Variants in GRIN2A observed in about 807,000 individuals in gnomAD.
The protein encoded by GRIN2A is glutamate receptor ionotropic, NMDA 2A.
In GRIN2A, 22 loss-of-function variants were observed where a neutral mutation model predicts 113.4. The observed-to-expected ratio is 0.19, with a 90% CI of 0.14 to 0.28. GRIN2A has a LOEUF of 0.28. Ranked by LOEUF, GRIN2A falls within the 10% of genes least tolerant of loss-of-function variation. The pLI is 1.00. For synonymous variants in GRIN2A, 827 were observed against 738.4 expected, an observed-to-expected ratio of 1.12 and a Z score of -1.94; for missense variants, 1,502 against 1,887.0, an observed-to-expected ratio of 0.80 and a Z score of 3.78.
In GRIN2A at chr16:9,754,171, C is replaced by G. The variant is rs79818496; in HGVS notation, c.*8978G>C. The G allele has an allele frequency of 0.023, 4,316 of 186,568 alleles. 83 individuals carry two copies. The highest frequency in any genetic ancestry group is 0.063 in the African/African-American group (2,691 of 42,882). The allele number at this position is 186,568 out of a possible 1,614,324, so 11.6% of individuals were successfully genotyped here. ...TTGAAATATATATACTATACATAAA[C>G]ATATACACATAAACATTCTGGGGTG... is the stretch of plus-strand genomic sequence containing the variant. On this transcript the variant is annotated 3_prime_UTR_variant, in exon 13 of 13. Transcript: ENST00000330684.
intron 2 of GRIN2A, among the ~76,000 whole-genome samples, chr16:10,081,989 C>G (rs1442177510): frequency 6.6e-6 from 1 of 152,136 alleles, no homozygotes; most frequent in African/African-American, 2.4e-5. Flanking sequence ...ACTTATAGAA[C>G]CCTTATTTTT....
intron 2 of GRIN2A, among the ~76,000 whole-genome samples, chr16:10,172,302 G>GTACT (rs1272628967): frequency 1.3e-5 from 2 of 152,236 alleles, no homozygotes; most frequent in East Asian, 3.9e-4. Flanking sequence ...GCTGCCTGGA[G>GTACT]TACTGTGTTG....
chr16:9,808,400 G>A (rs910650558), intron 10 of GRIN2A, among the ~76,000 whole-genome samples: 6 of 152,150 alleles, frequency 3.9e-5, no homozygotes, highest in African/African-American at 9.7e-5. Context: ...TAGTAGTGAC[G>A]ACATCACGGA....
chr16:10,015,252 C>CAAAAAAAAAAAAAAAA (rs200124835), intron 2 of GRIN2A, among the ~76,000 whole-genome samples: 14 of 19,304 alleles, frequency 7.3e-4, no homozygotes, highest in Admixed American at 8.7e-4. Flanking sequence ...GACTTCATCT[C>CAAAAAAAAAAAAAAAA]AAAAAAAAAA....
chr16:9,868,746 ACCAACT>A (rs1355908868), intron 4 of GRIN2A, among the ~76,000 whole-genome samples: 1 of 152,112 alleles, frequency 6.6e-6, no homozygotes, highest in Non-Finnish European at 1.5e-5. Flanking sequence ...CATTTTGACA[ACCAACT>A]CCTGGTTCCA....
chr16:9,937,658 T>C (rs767492971), intron 3 of GRIN2A: 6 of 408,944 alleles, frequency 1.5e-5, no homozygotes, highest in South Asian at 9.2e-5. Flanking sequence ...ACAAAAAATA[T>C]AGATACACTT....
chr16:9,915,140 G>A (rs1048715006), intron 3 of GRIN2A, among the ~76,000 whole-genome samples: 1 of 151,238 alleles, frequency 6.6e-6, no homozygotes, highest in Non-Finnish European at 1.5e-5. Context: ...GTTTCACCAT[G>A]TTAGCTAGGA....
At chr16:9,848,090 CTA>C (rs1313944467) in intron 5 of GRIN2A, among the ~76,000 whole-genome samples, 4 of 145,040 alleles carry the variant, frequency 2.8e-5, no homozygotes, top group African/African-American at 7.5e-5. Flanking sequence ...TGTACATTAA[CTA>C]TATATTTTAT....
At position 10,087,226 on chromosome 16, in the gene GRIN2A, A is replaced by G. The variant is rs575816522; in HGVS notation, c.414+92772T>C. Among the ~76,000 whole-genome samples, 9 of 152,342 alleles carry G rather than the reference A, an allele frequency of 5.9e-5. No individual in the cohort carries two copies. The East Asian group carries it at 1.3e-3, about 23-fold the overall frequency. On this transcript the variant is annotated intron_variant, in intron 2 of 12. Coordinates refer to ENST00000330684, the MANE Select transcript of GRIN2A (RefSeq NM_001134407.3). The stretch of plus-strand genomic sequence containing the variant: ...AGGGACAATGATAATAATCACTACT[A>G]TATCTACCGCATTGGTTTTTATAAG...
intron 3 of GRIN2A, among the ~76,000 whole-genome samples, chr16:9,919,211 T>C (rs1454428304): frequency 6.6e-6 from 1 of 152,088 alleles, no homozygotes; most frequent in Non-Finnish European, 1.5e-5. Context: ...AGATCAGCGA[T>C]AGGGTAGATT....
chr16:9,790,995 G>C (rs1043258556), intron 11 of GRIN2A, among the ~76,000 whole-genome samples: 1 of 152,178 alleles, frequency 6.6e-6, no homozygotes, highest in African/African-American at 2.4e-5. Flanking sequence ...ATGTGTGCCA[G>C]GCATGGACTA....
chr16:10,077,568 C>T (rs1247145159), intron 2 of GRIN2A, among the ~76,000 whole-genome samples: 2 of 152,302 alleles, frequency 1.3e-5, no homozygotes, highest in African/African-American at 2.4e-5. Flanking sequence ...GCCAGAATGG[C>T]CCCATTAGTC....
At chr16:10,115,907 GT>G (rs1567309962) in intron 2 of GRIN2A, among the ~76,000 whole-genome samples, 2 of 152,174 alleles carry the variant, frequency 1.3e-5, no homozygotes, top group African/African-American at 4.8e-5. Context: ...GGAAGACAGT[GT>G]AGTGATTCTT....
At chr16:9,815,288 A>G (rs1168081663) in intron 10 of GRIN2A, among the ~76,000 whole-genome samples, 1 of 152,048 alleles carries the variant, frequency 6.6e-6, no homozygotes, top group Non-Finnish European at 1.5e-5. Flanking sequence ...AAAAGACACT[A>G]TCAATGTAAT....
At chr16:10,037,966 C>A (rs1272776376) in intron 2 of GRIN2A, among the ~76,000 whole-genome samples, 3 of 152,220 alleles carry the variant, frequency 2.0e-5, no homozygotes, top group East Asian at 1.9e-4. Context: ...TCCTTCCAGA[C>A]AAACCCAGCT....
chr16:10,074,708 C>T (rs532293387), intron 2 of GRIN2A, among the ~76,000 whole-genome samples: 12 of 152,186 alleles, frequency 7.9e-5, no homozygotes, highest in African/African-American at 2.9e-4. Context: ...AAAGTAGATC[C>T]ATGGTTTCTA....
intron 3 of GRIN2A, among the ~76,000 whole-genome samples, chr16:9,920,715 C>T (rs1053623432): frequency 4.6e-5 from 7 of 151,960 alleles, no homozygotes; most frequent in Admixed American, 3.3e-4. Flanking sequence ...TACAGGTGCA[C>T]GCCACCACTC....
At chr16:9,926,664 A>T (rs1567179805) in intron 3 of GRIN2A, among the ~76,000 whole-genome samples, 1 of 152,208 alleles carries the variant, frequency 6.6e-6, no homozygotes, top group Non-Finnish European at 1.5e-5. Context: ...AAATGAGTAC[A>T]AGACAACCTG....
At chr16:9,883,104 G>A (rs1426860910) in intron 4 of GRIN2A, among the ~76,000 whole-genome samples, 1 of 152,114 alleles carries the variant, frequency 6.6e-6, no homozygotes, top group Non-Finnish European at 1.5e-5. Context: ...CTGGTTCTCT[G>A]AACCAGAACT....
Sources: allele counts gnomAD v4.1 joint callset (sites outside exome capture counted in the v4.1 genomes callset), GRCh38; gene constraint gnomAD v4.1.1; transcripts MANE v1.5; gene names NCBI Gene and HGNC (gene_info 2026-07-23, HGNC 2026-07-21).